Variants in USH2A observed in about 807,000 individuals in gnomAD.
USH2A encodes Usher syndrome 2A (autosomal recessive, mild).
USH2A carries 443 observed loss-of-function variants against 538.9 expected under a neutral mutation model. The observed-to-expected ratio is 0.82, with a 90% CI of 0.76 to 0.89. The LOEUF (loss-of-function observed/expected upper bound fraction) is 0.89. Ranked by LOEUF, USH2A falls within the 40% of genes least tolerant of loss-of-function variation. The pLI is 0.00. For synonymous variants in USH2A, 2,413 were observed against 2,273.5 expected (o/e 1.06, Z -1.75); for missense variants, 6,633 against 6,324.8 (o/e 1.05, Z -1.65).
rs146414071 is a variant in USH2A, at chr1:215,992,406, C to T, written c.6805+614G>A. Among the ~76,000 whole-genome samples, 14 of 151,886 alleles carry T rather than the reference C, an allele frequency of 9.2e-5. No homozygotes were observed. The East Asian group carries it at 1.9e-3, about 21-fold the overall frequency. On this transcript the variant is annotated intron_variant, in intron 35 of 71. Coordinates refer to ENST00000307340, the MANE Select transcript of USH2A (RefSeq NM_206933.4). ...ATAATGAGATTTTATTTTAGTGAAA[C>T]GTAACTGACTAGCTTAATTCACTAA... is the stretch of plus-strand genomic sequence containing the variant.
intron 11 of USH2A, among the ~76,000 whole-genome samples, chr1:216,286,747 A>T (rs1174283222): frequency 6.6e-6 from 1 of 151,912 alleles, no homozygotes; most frequent in Non-Finnish European, 1.5e-5. Flanking sequence ...AAATAAATAA[A>T]TAAAAACCTA....
At chr1:215,958,702 C>G (rs76064716) in intron 37 of USH2A, among the ~76,000 whole-genome samples, 3,213 of 152,060 alleles carry the variant, frequency 0.021, 66 homozygotes, top group South Asian at 0.083. Flanking sequence ...AACTTTATGC[C>G]CCTCCTGATC....
intron 2 of USH2A, among the ~76,000 whole-genome samples, chr1:216,420,489 G>T (rs1194762770): frequency 6.6e-6 from 1 of 151,646 alleles, no homozygotes; most frequent in Non-Finnish European, 1.5e-5. Flanking sequence ...ATTCCCAAAG[G>T]TATTTTAATT....
At chr1:215,900,328 A>G (rs1475352657) in intron 39 of USH2A, 111 bp from the exon 40 acceptor site, 2 of 1,171,488 alleles carry the variant, frequency 1.7e-6, no homozygotes, top group Non-Finnish European at 2.5e-6. Flanking sequence ...ACATTTAAGT[A>G]TTGTAATTTT....
chr1:215,849,680 A>T (rs1663966507), intron 44 of USH2A, among the ~76,000 whole-genome samples: 1 of 152,198 alleles, frequency 6.6e-6, no homozygotes, highest in African/African-American at 2.4e-5. Context: ...TAGACATATC[A>T]TGGAATATTG....
intron 3 of USH2A, among the ~76,000 whole-genome samples, chr1:216,403,117 A>G (rs966423706): frequency 2.0e-5 from 3 of 152,166 alleles, no homozygotes; most frequent in Non-Finnish European, 2.9e-5. Flanking sequence ...CAGGTATGTA[A>G]GGTTGGTTCA....
chr1:216,080,825 G>A (rs536972126), intron 26 of USH2A, among the ~76,000 whole-genome samples: 1 of 150,972 alleles, frequency 6.6e-6, no homozygotes, highest in Non-Finnish European at 1.5e-5. Context: ...CCCCTGAGTC[G>A]GTAGAGAGTG....
intron 3 of USH2A, among the ~76,000 whole-genome samples, chr1:216,380,667 T>C (rs1346920782): frequency 6.6e-6 from 1 of 152,168 alleles, no homozygotes; most frequent in Admixed American, 6.5e-5. Flanking sequence ...TTTCTAAAAC[T>C]AATTAGAGTA....
intron 32 of USH2A, among the ~76,000 whole-genome samples, chr1:216,037,521 C>G (rs1469920708): frequency 6.6e-6 from 1 of 152,030 alleles, no homozygotes; most frequent in Non-Finnish European, 1.5e-5. Flanking sequence ...CAGGATTGTA[C>G]TGGTAAAGCC....
intron 9 of USH2A, among the ~76,000 whole-genome samples, chr1:216,308,548 T>A (rs1315894074): frequency 6.6e-6 from 1 of 152,198 alleles, no homozygotes; most frequent in Non-Finnish European, 1.5e-5. Context: ...TTTGCTTAAT[T>A]TAAATGTTAC....
At chr1:215,857,171 T>C (rs1462324292) in intron 44 of USH2A, among the ~76,000 whole-genome samples, 1 of 152,044 alleles carries the variant, frequency 6.6e-6, no homozygotes, top group Non-Finnish European at 1.5e-5. Flanking sequence ...ACTAAAGAAC[T>C]TATTCGTGTA....
chr1:215,974,891 T>G (rs1369292010), intron 35 of USH2A, among the ~76,000 whole-genome samples: 4 of 152,174 alleles, frequency 2.6e-5, no homozygotes, highest in Non-Finnish European at 5.9e-5. Flanking sequence ...GGTTCTGTTT[T>G]AAGTTCTTTG....
chr1:215,993,114 G>A lies in USH2A; in HGVS notation c.6711C>T (p.Asp2237=), dbSNP rs138959688. The A allele has an allele frequency of 3.5e-5, 56 of 1,614,024 alleles. 1 individual carries two copies. The highest frequency in any genetic ancestry group is 3.3e-4 in the East Asian group (15 of 44,868). ...CTGGCACGCCTTCGGGTATGTCCTC[G>A]TCAGTTAGGGCCTCACTGGCCTCAC... ...TVSEASEALT[D]EDIPEGVPAP... is the part of the protein sequence containing the mutation. Residue 2237 remains aspartate (D), a synonymous_variant, in exon 35 of 72, where the codon GAC becomes GAT. Transcript: ENST00000307340.
Position 216,048,156 on chromosome 1 carries a change from T to A in USH2A, c.6163+378A>T, listed in dbSNP as rs549884774. 1.4e-3 allele frequency among the ~76,000 whole-genome samples: 211 copies of A among 152,344 alleles called. 7 individuals carry two copies. The South Asian group carries it at 0.042, about 30-fold the overall frequency. On this transcript the variant is annotated intron_variant, in intron 31 of 71. Coordinates refer to ENST00000307340, the MANE Select transcript of USH2A (RefSeq NM_206933.4). ...ATCAACCGTTTGATTCTCAATTTCA[T>A]ACTGTGCCATACAATCAATTCTTTT...
In USH2A at chr1:216,175,462, G is replaced by A; in HGVS notation, c.4417C>T (p.Pro1473Ser). ...LAAAPAQLRP[P>S]LVKGINSTTI... ...GTGCTGTTGATTCCTTTAACCAGAG[G>A]TGGCCTCAGTTGTGCTGGTGCTAAA... The change falls in exon 21 of 72, where the codon CCT (proline) becomes TCT (serine). Residue 1473 changes from proline (P) to serine (S), a missense_variant. By Grantham distance (74) the Pro-to-Ser change is moderately conservative. Transcript: ENST00000307340. 1 of 1,613,750 alleles carries A rather than the reference G, an allele frequency of 6.2e-7. No individual in the cohort carries two copies. The highest frequency in any genetic ancestry group is 8.5e-7 in the Non-Finnish European group (1 of 1,179,848).
intron 20 of USH2A, among the ~76,000 whole-genome samples, chr1:216,181,950 T>C (rs2034501838): frequency 6.6e-6 from 1 of 152,084 alleles, no homozygotes; most frequent in African/African-American, 2.4e-5. Flanking sequence ...GTCTGGCTTC[T>C]CAGAAAGTAG....
chr1:215,688,238 GT>G (rs1461110080), intron 61 of USH2A, among the ~76,000 whole-genome samples: 1 of 152,122 alleles, frequency 6.6e-6, no homozygotes, highest in Non-Finnish European at 1.5e-5. Flanking sequence ...CAGACTTGGT[GT>G]TTTTGTTGAC....
At chr1:215,982,530 T>C (rs779011996) in intron 35 of USH2A, among the ~76,000 whole-genome samples, 3 of 152,224 alleles carry the variant, frequency 2.0e-5, no homozygotes, top group Non-Finnish European at 2.9e-5. Flanking sequence ...CTTATATTTG[T>C]ATGCTATCTT....
chr1:216,090,162 C>A, intron 22 of USH2A, among the ~76,000 whole-genome samples: 1 of 151,330 alleles, frequency 6.6e-6, no homozygotes, highest in East Asian at 1.9e-4. Flanking sequence ...ACTTAATTAC[C>A]AGAAAATTTC....
Sources: gnomAD v4.1 joint callset for allele counts (sites outside exome capture counted in the v4.1 genomes callset) on GRCh38, gnomAD v4.1.1 for gene constraint, MANE v1.5 for transcripts, NCBI Gene and HGNC (gene_info 2026-07-23, HGNC 2026-07-21) for gene names.